DCLK1: variants seen among roughly 807,000 people sequenced by gnomAD.
The protein encoded by DCLK1 is serine/threonine-protein kinase DCLK1.
A neutral mutation model predicts 86.2 loss-of-function variants in DCLK1; 16 were observed. The observed-to-expected ratio is 0.19, with a 90% CI of 0.13 to 0.28. The LOEUF is 0.28. Ranked by LOEUF, DCLK1 falls within the 10% of genes least tolerant of loss-of-function variation. The probability of loss-of-function intolerance (pLI) is 1.00; values close to 1 mark genes in which losing one functional copy is unlikely to be tolerated. For synonymous variants in DCLK1, 369 were observed against 370.5 expected, an observed-to-expected ratio of 1.00 and a Z score of 0.05; for missense variants, 590 against 940.2, an observed-to-expected ratio of 0.63 and a Z score of 4.87.
At chr13:36,070,798 C>G (rs576736780) in intron 3 of DCLK1, among the ~76,000 whole-genome samples, 1 of 152,048 alleles carries the variant, frequency 6.6e-6, no homozygotes, top group Non-Finnish European at 1.5e-5. Flanking sequence ...ACTGCCACCA[C>G]GTCCAGCTAA....
intron 3 of DCLK1, among the ~76,000 whole-genome samples, chr13:36,027,972 C>T (rs1882112475): frequency 6.6e-6 from 1 of 152,160 alleles, no homozygotes. Context: ...TCAAGTGCTC[C>T]TCCTGCCTTA....
chr13:35,891,708 T>C (rs902880660), intron 4 of DCLK1, among the ~76,000 whole-genome samples: 2 of 152,220 alleles, frequency 1.3e-5, no homozygotes, highest in African/African-American at 4.8e-5. Context: ...TGCTGTGCTT[T>C]GTCACCACAC....
chr13:36,005,264 G>C (rs562222696), intron 3 of DCLK1, among the ~76,000 whole-genome samples: 1 of 152,108 alleles, frequency 6.6e-6, no homozygotes, highest in East Asian at 1.9e-4. Flanking sequence ...ATTTGGAAAG[G>C]GTAGCTGAAT....
At chr13:36,028,932 TC>T (rs767042374) in intron 3 of DCLK1, among the ~76,000 whole-genome samples, 8 of 152,188 alleles carry the variant, frequency 5.3e-5, no homozygotes, top group Non-Finnish European at 8.8e-5. Flanking sequence ...AACCCTCAGT[TC>T]CGGGAATTGC....
chr13:36,123,272 G>A (rs575791666), intron 2 of DCLK1, among the ~76,000 whole-genome samples: 25 of 152,224 alleles, frequency 1.6e-4, no homozygotes, highest in East Asian at 3.9e-4. Flanking sequence ...ACAAAGAGGC[G>A]AATCTAAATG....
At chr13:35,904,723 G>A (rs1224507929) in intron 4 of DCLK1, among the ~76,000 whole-genome samples, 1 of 152,224 alleles carries the variant, frequency 6.6e-6, no homozygotes, top group Non-Finnish European at 1.5e-5. Flanking sequence ...GTACAGTGAA[G>A]ACCAAGCAAA....
chr13:36,083,669 T>G (rs1884496746), intron 3 of DCLK1, among the ~76,000 whole-genome samples: 1 of 152,140 alleles, frequency 6.6e-6, no homozygotes, highest in Non-Finnish European at 1.5e-5. Flanking sequence ...AAGGAATTCC[T>G]CCAGGAACAA....
chr13:35,976,964 A>G (rs1013176365), intron 3 of DCLK1, among the ~76,000 whole-genome samples: 14 of 152,202 alleles, frequency 9.2e-5, no homozygotes, highest in Admixed American at 9.2e-4. Flanking sequence ...ACAAAGCCTC[A>G]GGAAGGATAT....
intron 3 of DCLK1, among the ~76,000 whole-genome samples, chr13:36,100,662 G>T (rs962380876): frequency 6.6e-6 from 1 of 152,150 alleles, no homozygotes; most frequent in African/African-American, 2.4e-5. Flanking sequence ...TGTTAATGGG[G>T]TCGCTGGGCA....
chr13:35,977,452 G>T (rs1879405416), intron 3 of DCLK1, among the ~76,000 whole-genome samples: 1 of 152,200 alleles, frequency 6.6e-6, no homozygotes, highest in South Asian at 2.1e-4. Flanking sequence ...GTATATTTTG[G>T]TGAATGACTA....
intron 3 of DCLK1, among the ~76,000 whole-genome samples, chr13:36,004,449 G>T (rs986555904): frequency 6.6e-6 from 1 of 152,112 alleles, no homozygotes; most frequent in Non-Finnish European, 1.5e-5. Context: ...TAAATGAAAG[G>T]GTAAAGGGCT....
At chr13:35,828,152 A>C (rs1258910424) in intron 9 of DCLK1, 98 bp downstream of exon 9, 1 of 997,162 alleles carries the variant, frequency 1.0e-6, no homozygotes, top group Non-Finnish European at 1.5e-6. Context: ...ACCAAAATTC[A>C]ACCCTTAGGG....
chr13:36,025,793 T>C (rs544308528), intron 3 of DCLK1, among the ~76,000 whole-genome samples: 25 of 152,338 alleles, frequency 1.6e-4, no homozygotes, highest in African/African-American at 4.3e-4. Context: ...GTACTTCAGA[T>C]GTTATGAAGC....
chr13:35,817,157 G>A (rs959740388), intron 11 of DCLK1, among the ~76,000 whole-genome samples: 1 of 152,152 alleles, frequency 6.6e-6, no homozygotes, highest in African/African-American at 2.4e-5. Flanking sequence ...GACAAACACA[G>A]ACCCACCAAG....
At chr13:35,858,444 T>C (rs564225254) in intron 5 of DCLK1, among the ~76,000 whole-genome samples, 2 of 152,314 alleles carry the variant, frequency 1.3e-5, no homozygotes, top group Admixed American at 6.5e-5. Context: ...GTCAGGTAAC[T>C]TGTCCAAAGA....
chr13:36,021,692 A>G (rs1298521306), intron 3 of DCLK1, among the ~76,000 whole-genome samples: 1 of 152,126 alleles, frequency 6.6e-6, no homozygotes, highest in Non-Finnish European at 1.5e-5. Flanking sequence ...TCCATCAAGA[A>G]GATACGGTAA....
intron 3 of DCLK1, among the ~76,000 whole-genome samples, chr13:35,989,244 T>C (rs1476865569): frequency 1.3e-5 from 2 of 152,180 alleles, no homozygotes; most frequent in African/African-American, 4.8e-5. Context: ...ATCTATACTT[T>C]GGAATTTCAA....
At chr13:35,969,211 G>A (rs1303722309) in intron 3 of DCLK1, among the ~76,000 whole-genome samples, 1 of 152,162 alleles carries the variant, frequency 6.6e-6, no homozygotes, top group Non-Finnish European at 1.5e-5. Flanking sequence ...TTGAATGGTG[G>A]CTGCCACAAA....
rs111981101 is a variant in DCLK1 at position 35,894,461 on chromosome 13, A to G, written c.824-23121T>C. ...TCTCGCAGTGGAGAGGAGGGAGATT[A>G]CTCCAGCCTGGGAACAGGTGGGAGG... is the stretch of plus-strand genomic sequence containing the variant. On this transcript the variant is annotated intron_variant, in intron 4 of 16. Transcript: ENST00000360631. 2.8e-3 allele frequency among the ~76,000 whole-genome samples: 432 copies of G among 152,178 alleles called. 5 individuals carry two copies. Among genetic ancestry groups the G allele is most frequent in the African/African-American group, 9.9e-3 (410 of 41,506 alleles).
Sources: allele counts gnomAD v4.1 joint callset (sites outside exome capture counted in the v4.1 genomes callset), GRCh38; gene constraint gnomAD v4.1.1; transcripts MANE v1.5; gene names NCBI Gene and HGNC (gene_info 2026-07-23, HGNC 2026-07-21).